Variants in CUX2 observed in about 807,000 individuals in gnomAD.
CUX2 encodes cut like homeobox 2.
Under a neutral mutation model 144.8 loss-of-function variants are expected in CUX2, and 40 were observed. The ratio of observed to expected loss-of-function variants is 0.28; its 90% CI spans 0.21 to 0.36. The LOEUF is 0.36. CUX2 is among the 10% of genes least tolerant of loss of function. The pLI is 1.00. For missense variants in CUX2, 1,615 were observed against 1,994.0 expected, an observed-to-expected ratio of 0.81 and a Z score of 3.62; for synonymous variants, 827 against 875.6, an observed-to-expected ratio of 0.94 and a Z score of 0.98.
intron 1 of CUX2, among the ~76,000 whole-genome samples, chr12:111,067,748 G>A (rs1001442274): frequency 5.9e-5 from 9 of 152,172 alleles, no homozygotes; most frequent in African/African-American, 1.9e-4. Flanking sequence ...GTACCCTGTT[G>A]TTTGAAGAAC....
chr12:111,219,664 C>G (rs1881737931), intron 3 of CUX2, among the ~76,000 whole-genome samples: 1 of 152,130 alleles, frequency 6.6e-6, no homozygotes, highest in East Asian at 1.9e-4. Flanking sequence ...TAACTGAGAT[C>G]TAATGCAGGG....
intron 1 of CUX2, among the ~76,000 whole-genome samples, chr12:111,153,347 C>T (rs139443325): frequency 3.9e-4 from 60 of 152,308 alleles, no homozygotes; most frequent in Non-Finnish European, 7.5e-4. Context: ...CACTTGACAA[C>T]CGGGATACAT....
rs1888862173 is a variant in CUX2 at position 111,347,591 on chromosome 12, G to A, written c.3727G>A (p.Gly1243Ser). 1.2e-6 allele frequency: 2 copies of A among 1,613,336 alleles called. No individual in the cohort carries two copies. Among genetic ancestry groups the A allele is most frequent in the South Asian group, 2.2e-5 (2 of 91,036 alleles). ...TGAGCCAGACCTTGATCCAAGCGGG[G>A]GTCCTGGAATCCTACCGCCAGGCCA... is the stretch of plus-strand genomic sequence containing the variant. ...QDEPDLDPSGGPGILPPGHSH... is the reference protein window; with the variant it reads ...QDEPDLDPSGSPGILPPGHSH... Residue 1243 changes from glycine to serine, a missense_variant, in exon 22 of 22, where the codon GGT (glycine) becomes AGT (serine). By Grantham distance (56) the Gly-to-Ser change is moderately conservative (BLOSUM62 0). Coordinates refer to ENST00000261726, the MANE Select transcript of CUX2 (RefSeq NM_015267.4).
At chr12:111,133,738 A>C (rs1343321788) in intron 1 of CUX2, among the ~76,000 whole-genome samples, 1 of 152,152 alleles carries the variant, frequency 6.6e-6, no homozygotes, top group East Asian at 1.9e-4. Context: ...TAGGAGACTT[A>C]GGATTGTCTT....
intron 1 of CUX2, among the ~76,000 whole-genome samples, chr12:111,145,904 A>G (rs1566252291): frequency 1.3e-5 from 2 of 150,590 alleles, no homozygotes; most frequent in African/African-American, 4.9e-5. Context: ...GCGGGGTTTC[A>G]CCATATTGGC....
At chr12:111,135,275 T>C (rs1464036525) in intron 1 of CUX2, among the ~76,000 whole-genome samples, 3 of 151,954 alleles carry the variant, frequency 2.0e-5, no homozygotes, top group African/African-American at 7.3e-5. Flanking sequence ...CAGTTTTAAA[T>C]AGAGTTTCAC....
intron 1 of CUX2, among the ~76,000 whole-genome samples, chr12:111,146,999 G>T (rs768142590): frequency 3.3e-5 from 5 of 152,034 alleles, no homozygotes; most frequent in African/African-American, 9.7e-5. Flanking sequence ...GTTGGGCATG[G>T]TGTCACGTGC....
intron 18 of CUX2, among the ~76,000 whole-genome samples, chr12:111,329,440 T>C (rs1364937762): frequency 2.6e-5 from 4 of 152,090 alleles, no homozygotes; most frequent in Non-Finnish European, 5.9e-5. Flanking sequence ...TCAGAAGCGA[T>C]TCTCAGTCAG....
intron 4 of CUX2, among the ~76,000 whole-genome samples, chr12:111,266,756 G>A (rs1054688483): frequency 2.6e-5 from 4 of 152,180 alleles, no homozygotes; most frequent in African/African-American, 4.8e-5. Context: ...CTACTGCAGC[G>A]CTGGGACACT....
intron 3 of CUX2, among the ~76,000 whole-genome samples, chr12:111,261,692 G>C (rs1884135301): frequency 6.6e-6 from 1 of 152,132 alleles, no homozygotes; most frequent in South Asian, 2.1e-4. Flanking sequence ...CTTGAGGTGA[G>C]GAGTTCGAGA....
rs572443398 is a variant in CUX2, at chr12:111,040,880, G to A, written c.63+6640G>A. Among the ~76,000 whole-genome samples, 9 of 152,332 alleles carry A rather than the reference G, an allele frequency of 5.9e-5. No homozygotes were observed. In the South Asian group the frequency reaches 1.9e-3, roughly 32 times the overall value. Reference sequence around the variant, plus strand: ...AAACTTTATTTATACAAACAGGCAGGGGGCCGGTTTTGGCCTGAGAGCTGT... The same window carrying A: ...AAACTTTATTTATACAAACAGGCAGAGGGCCGGTTTTGGCCTGAGAGCTGT... On this transcript the variant is annotated intron_variant, in intron 1 of 21. Transcript: ENST00000261726.
At chr12:111,306,065 G>T (rs1813460089) in intron 10 of CUX2, among the ~76,000 whole-genome samples, 1 of 152,138 alleles carries the variant, frequency 6.6e-6, no homozygotes. Flanking sequence ...TGTGGAGAGA[G>T]ATGGAGAGTG....
chr12:111,203,231 CAAAAAAAA>C (rs35855857), intron 1 of CUX2, among the ~76,000 whole-genome samples: 4 of 76,568 alleles, frequency 5.2e-5, no homozygotes, highest in Non-Finnish European at 1.1e-4. Flanking sequence ...GACTCTGTCT[CAAAAAAAA>C]AAAAAAAAAA....
intron 10 of CUX2, among the ~76,000 whole-genome samples, chr12:111,305,349 C>A (rs887574165): frequency 6.6e-5 from 10 of 152,174 alleles, no homozygotes; most frequent in Admixed American, 2.0e-4. Flanking sequence ...TCACCTGACA[C>A]CCACATATAC....
chr12:111,069,568 GTGT>G (rs932766677), intron 1 of CUX2, among the ~76,000 whole-genome samples: 2 of 151,942 alleles, frequency 1.3e-5, no homozygotes, highest in Admixed American at 6.6e-5. Flanking sequence ...GCGTGTGTGT[GTGT>G]TATTTTCTCA....
chr12:111,296,414 G>C (rs1016095699), intron 7 of CUX2, 59 bp from the exon 8 acceptor site: 6 of 1,507,224 alleles, frequency 4.0e-6, no homozygotes, highest in Non-Finnish European at 5.4e-6. Context: ...ACCTCCCTGG[G>C]AGACCCAGCT....
rs781026212 is a variant in CUX2, at chr12:111,348,385, C to G, written c.*60C>G. 8.2e-5 allele frequency: 120 copies of G among 1,466,098 alleles called. No homozygotes were observed. Among genetic ancestry groups the G allele is most frequent in the Non-Finnish European group, 1.0e-4 (108 of 1,069,306 alleles). 90.8% of individuals were successfully genotyped at this position (1,466,098 alleles called of 1,614,324 possible). A position where few individuals can be genotyped will look rare whatever the true frequency, so the allele number is the denominator to read the frequency against. ...AACTACCTTCCTTCTCGCACTTACTCTCCTCAACAGGATGGGGTAAGGGAG... is the reference window on the plus strand; with the variant it reads ...AACTACCTTCCTTCTCGCACTTACTGTCCTCAACAGGATGGGGTAAGGGAG... On this transcript the variant is annotated 3_prime_UTR_variant, in exon 22 of 22. Transcript: ENST00000261726.
chr12:111,133,433 A>G (rs1675868931), intron 1 of CUX2, among the ~76,000 whole-genome samples: 1 of 152,172 alleles, frequency 6.6e-6, no homozygotes, highest in African/African-American at 2.4e-5. Flanking sequence ...CACTTCTTAC[A>G]TGGCAGTAGC....
chr12:111,058,631 G>A (rs1870635330), intron 1 of CUX2, among the ~76,000 whole-genome samples: 3 of 152,146 alleles, frequency 2.0e-5, no homozygotes, highest in Non-Finnish European at 2.9e-5. Context: ...AGGAGAAGCT[G>A]GAGGGTGGCT....
Sources: allele counts gnomAD v4.1 joint callset (sites outside exome capture counted in the v4.1 genomes callset), GRCh38; gene constraint gnomAD v4.1.1; transcripts MANE v1.5; gene names NCBI Gene and HGNC (gene_info 2026-07-23, HGNC 2026-07-21).